The following DLG2 variants were observed in gnomAD, a reference collection of about 807,000 sequenced individuals.
DLG2 encodes the protein discs large MAGUK scaffold protein 2, also known as disks large homolog 2.
In DLG2, 45 loss-of-function variants were observed where a neutral mutation model predicts 132.5. The ratio of observed to expected loss-of-function variants is 0.34; its 90% CI spans 0.27 to 0.44. The LOEUF (loss-of-function observed/expected upper bound fraction) is 0.44, where lower values mean the gene tolerates loss of function less well. DLG2 is among the 20% of genes least tolerant of loss of function. The pLI is 1.00. For synonymous variants in DLG2, 424 were observed against 419.6 expected, an observed-to-expected ratio of 1.01 and a Z score of -0.13; for missense variants, 1,045 against 1,196.9, an observed-to-expected ratio of 0.87 and a Z score of 1.87.
At chr11:84,984,853 A>G (rs2056273392) in intron 6 of DLG2, among the ~76,000 whole-genome samples, 1 of 152,180 alleles carries the variant, frequency 6.6e-6, no homozygotes, top group Admixed American at 6.5e-5. Context: ...ATCAGACAAA[A>G]CAAAATTTAA....
At chr11:84,223,110 C>T (rs1451434042) in intron 8 of DLG2, among the ~76,000 whole-genome samples, 1 of 152,088 alleles carries the variant, frequency 6.6e-6, no homozygotes, top group Admixed American at 6.6e-5. Flanking sequence ...AAGATAAGCA[C>T]TAACTGGGAC....
chr11:83,988,592 A>G lies in DLG2; in HGVS notation c.920-7950T>C, dbSNP rs189042585. Among the ~76,000 whole-genome samples, 3 of 152,258 alleles carry G rather than the reference A, an allele frequency of 2.0e-5. No homozygotes were observed. The East Asian group carries it at 5.8e-4, about 29-fold the overall frequency. On this transcript the variant is annotated intron_variant, in intron 11 of 27. Coordinates refer to ENST00000376104, the MANE Select transcript of DLG2 (RefSeq NM_001142699.3). ...TGTGTGATCTCTGATTTCCTTGAGCAATGGTTTGTAGTTCTTGAAGAGGTC... is the reference window on the plus strand; with the variant it reads ...TGTGTGATCTCTGATTTCCTTGAGCGATGGTTTGTAGTTCTTGAAGAGGTC...
chr11:84,706,153 T>C (rs947691592), intron 6 of DLG2, among the ~76,000 whole-genome samples: 13 of 151,750 alleles, frequency 8.6e-5, no homozygotes, highest in African/African-American at 2.9e-4. Context: ...TTGGATAGCG[T>C]CCATACCATT....
intron 8 of DLG2, among the ~76,000 whole-genome samples, chr11:84,192,736 T>C (rs950699538): frequency 1.3e-5 from 2 of 150,190 alleles, no homozygotes; most frequent in African/African-American, 4.9e-5. Context: ...TCTCAAAAAA[T>C]AAAAAAATAA....
At chr11:83,736,746 A>C (rs1398834506) in intron 18 of DLG2, among the ~76,000 whole-genome samples, 1 of 152,072 alleles carries the variant, frequency 6.6e-6, no homozygotes. Flanking sequence ...AAGAAGAAGA[A>C]AAAAAAAGCA....
At chr11:84,621,943 T>C (rs763001916) in intron 6 of DLG2, among the ~76,000 whole-genome samples, 3 of 152,164 alleles carry the variant, frequency 2.0e-5, no homozygotes, top group Non-Finnish European at 4.4e-5. Context: ...AACCTATAAA[T>C]AGAAAGTTGC....
intron 3 of DLG2, among the ~76,000 whole-genome samples, chr11:85,412,760 C>CATATATATAT (rs200280952): frequency 8.8e-6 from 1 of 113,242 alleles, no homozygotes; most frequent in Non-Finnish European, 1.8e-5. Context: ...CACACACACA[C>CATATATATAT]ATATATATAT....
chr11:84,654,401 C>G (rs976824698), intron 6 of DLG2, among the ~76,000 whole-genome samples: 1 of 152,158 alleles, frequency 6.6e-6, no homozygotes, highest in Non-Finnish European at 1.5e-5. Flanking sequence ...TACCATTGAT[C>G]ACTTTCCTGG....
chr11:83,511,129 T>C (rs1418347257), intron 21 of DLG2, among the ~76,000 whole-genome samples: 1 of 129,582 alleles, frequency 7.7e-6, no homozygotes, highest in African/African-American at 2.7e-5. Flanking sequence ...TTTCTATCTA[T>C]GCTGAATTCA....
intron 4 of DLG2, among the ~76,000 whole-genome samples, chr11:85,278,543 T>C (rs1247361002): frequency 6.6e-6 from 1 of 151,790 alleles, no homozygotes; most frequent in Admixed American, 6.6e-5. Context: ...GAGATTGCGG[T>C]GAGCCGAGAT....
intron 6 of DLG2, among the ~76,000 whole-genome samples, chr11:85,105,014 G>C (rs1039736692): frequency 1.3e-5 from 2 of 151,692 alleles, no homozygotes; most frequent in African/African-American, 4.8e-5. Flanking sequence ...AGGAAGCTGG[G>C]GACACTGAGC....
At chr11:83,985,259 A>G (rs1015616493) in intron 11 of DLG2, among the ~76,000 whole-genome samples, 1 of 152,082 alleles carries the variant, frequency 6.6e-6, no homozygotes, top group African/African-American at 2.4e-5. Flanking sequence ...TTAATCTCAC[A>G]TGTCTTCCCT....
In DLG2 at chr11:84,576,392, T is replaced by C. The variant is rs186815433; in HGVS notation, c.358-41661A>G. ...TTAGCAGAAACAGATGTTTAGGAAGTCCTGAAAGCCTGCAGAAGTGAAGCT... is the reference window on the plus strand; with the variant it reads ...TTAGCAGAAACAGATGTTTAGGAAGCCCTGAAAGCCTGCAGAAGTGAAGCT... On this transcript the variant is annotated intron_variant, in intron 6 of 27. Transcript: ENST00000376104. Among the ~76,000 whole-genome samples, 36 of 152,332 alleles carry C rather than the reference T, an allele frequency of 2.4e-4. 1 individual carries two copies. In the East Asian group the frequency reaches 6.0e-3, roughly 25 times the overall value.
chr11:85,120,548 G>T (rs917321070), intron 5 of DLG2, among the ~76,000 whole-genome samples: 1 of 151,872 alleles, frequency 6.6e-6, no homozygotes, highest in African/African-American at 2.4e-5. Context: ...AGAATATCAA[G>T]AAATTATCCT....
At chr11:84,490,914 T>C (rs566264520) in intron 7 of DLG2, among the ~76,000 whole-genome samples, 2 of 151,394 alleles carry the variant, frequency 1.3e-5, no homozygotes, top group African/African-American at 4.9e-5. Flanking sequence ...TGTGTGCATA[T>C]GTGTGTTACC....
chr11:84,753,800 G>C (rs1315214341), intron 6 of DLG2, among the ~76,000 whole-genome samples: 3 of 152,190 alleles, frequency 2.0e-5, no homozygotes, highest in Non-Finnish European at 4.4e-5. Flanking sequence ...GACTAGCAGA[G>C]CTGGAAAAGT....
chr11:84,992,739 G>C (rs1016933944), intron 6 of DLG2, among the ~76,000 whole-genome samples: 6 of 152,138 alleles, frequency 3.9e-5, no homozygotes, highest in African/African-American at 1.2e-4. Flanking sequence ...TTTTGATGGG[G>C]TTGTTTTTTT....
At chr11:84,924,744 C>T (rs922232831) in intron 6 of DLG2, among the ~76,000 whole-genome samples, 3 of 152,066 alleles carry the variant, frequency 2.0e-5, no homozygotes, top group African/African-American at 7.2e-5. Flanking sequence ...CCTTGGGCAA[C>T]GTAAGAGAAG....
intron 7 of DLG2, among the ~76,000 whole-genome samples, chr11:84,258,188 T>A (rs895772651): frequency 6.6e-6 from 1 of 152,192 alleles, no homozygotes; most frequent in African/African-American, 2.4e-5. Flanking sequence ...CCAGGCTGAC[T>A]GATTCAGGCA....
Sources: gnomAD v4.1 joint callset for allele counts (sites outside exome capture counted in the v4.1 genomes callset) on GRCh38, gnomAD v4.1.1 for gene constraint, MANE v1.5 for transcripts, NCBI Gene and HGNC (gene_info 2026-07-23, HGNC 2026-07-21) for gene names.